Variants in SIGIRR observed in about 807,000 individuals in gnomAD.
SIGIRR encodes single Ig IL-1-related receptor.
A neutral mutation model predicts 45.6 loss-of-function variants in SIGIRR; 41 were observed. The observed-to-expected ratio is 0.90, with a 90% CI of 0.70 to 1.17. SIGIRR has a LOEUF of 1.17. Ranked by LOEUF, SIGIRR falls within the 50% of genes most tolerant of loss-of-function variation. The pLI, the probability that SIGIRR is intolerant of heterozygous loss-of-function variation, is 0.00. For missense variants in SIGIRR, 599 were observed against 539.6 expected (o/e 1.11, Z -1.09); for synonymous variants, 298 against 239.0 (o/e 1.25, Z -2.28).
chr11:408,253 A>G, intron 3 of SIGIRR, 47 bp from the exon 4 acceptor site: 11 of 1,596,040 alleles, frequency 6.9e-6, no homozygotes, highest in Non-Finnish European at 9.4e-6. Flanking sequence ...ATACCAGTGG[A>G]CACCCCCGAA....
Position 407,430 on chromosome 11 carries a change from C to A in SIGIRR, c.620G>T (p.Arg207Leu), listed in dbSNP as rs1280063022. The A allele has an allele frequency of 2.6e-6, 4 of 1,546,174 alleles. No individual in the cohort carries two copies. Among genetic ancestry groups the A allele is most frequent in the Non-Finnish European group, 3.5e-6 (4 of 1,145,168 alleles). ...CGGGGTGGGGCCCGGGATACCAGCGCGCGGCAGGAGGTCGCGGTCGTCCAG... is the reference window on the plus strand; with the variant it reads ...CGGGGTGGGGCCCGGGATACCAGCGAGCGGCAGGAGGTCGCGGTCGTCCAG... ...LFLDDRDLLP[R>L]AEPSADLLVN... Residue 207 changes from arginine to leucine, a missense_variant, in exon 6 of 10, where the codon CGC (arginine) becomes CTC (leucine). Physicochemically the swap from Arg to Leu is moderately radical, Grantham distance 102. Transcript: ENST00000431843.
At chr11:412,736 G>A (rs1365434817) in intron 1 of SIGIRR, among the ~76,000 whole-genome samples, 1 of 150,876 alleles carries the variant, frequency 6.6e-6, no homozygotes, top group Non-Finnish European at 1.5e-5. Context: ...GAGGGGGGGT[G>A]CCCAGCTCTG....
At chr11:408,317 G>A in intron 3 of SIGIRR, 111 bp from the exon 4 acceptor site, 1 of 1,426,388 alleles carries the variant, frequency 7.0e-7, no homozygotes, top group Non-Finnish European at 9.4e-7. Flanking sequence ...CTCCTGGGTG[G>A]TTCTTGGGCC....
rs1162462305 is a variant in SIGIRR at position 407,131 on chromosome 11, C to T, written c.659G>A (p.Arg220His). 1.3e-6 allele frequency: 2 copies of T among 1,540,308 alleles called. No individual in the cohort carries two copies. Among genetic ancestry groups the T allele is most frequent in the East Asian group, 2.5e-5 (1 of 39,370 alleles). The change falls in exon 7 of 10, where the codon CGC becomes CAC. Residue 220 changes from arginine to histidine, a missense_variant. Arg to His is a conservative substitution (Grantham distance 29). Transcript: ENST00000431843. Reference protein sequence around the residue: ...PSADLLVNLSRCRRLIVVLSD... With the variant: ...PSADLLVNLSHCRRLIVVLSD... ...AAGCACCACGATGAGGCGTCGGCAG[C>T]GGCTCAGGTTCACCAAGAGGTCGGC...
chr11:406,934 C>A lies in SIGIRR; in HGVS notation c.788G>T (p.Gly263Val). 6.2e-7 allele frequency: 1 copy of A among 1,600,542 alleles called. No individual in the cohort carries two copies. Among genetic ancestry groups the A allele is most frequent in the Non-Finnish European group, 8.5e-7 (1 of 1,177,540 alleles). ...TRRPIFITFE[G>V]QRRDPAHPAL... ...CGGGTGCGCGGGGTCGCGCCTCTGGCCCTCGAAGGTGATGAAGATGGGTCT... is the reference window on the plus strand; with the variant it reads ...CGGGTGCGCGGGGTCGCGCCTCTGGACCTCGAAGGTGATGAAGATGGGTCT... Residue 263 changes from glycine (G) to valine (V), a missense_variant, in exon 8 of 10, where the codon GGC becomes GTC. Physicochemically the swap from Gly to Val is moderately radical, Grantham distance 109 (BLOSUM62 -3). Transcript: ENST00000431843.
chr11:416,484 C>T (rs933020208), upstream of SIGIRR, among the ~76,000 whole-genome samples: 2 of 152,172 alleles, frequency 1.3e-5, no homozygotes, highest in African/African-American at 2.4e-5. This position sits in a 1 kb window ranked among gnomAD's most constrained non-coding sequence, Gnocchi z 9.1. Flanking sequence ...GCCCTGGTCG[C>T]CTCGCACTGC....
chr11:408,961 C>T (rs1847473888), intron 2 of SIGIRR, 68 bp from the exon 3 acceptor site: 11 of 1,433,856 alleles, frequency 7.7e-6, no homozygotes, highest in Middle Eastern at 2.0e-4. Flanking sequence ...CACAGTGGTC[C>T]GTGGTGCAGG....
At position 406,935 on chromosome 11, in the gene SIGIRR, C is replaced by A. The variant is rs763801811; in HGVS notation, c.787G>T (p.Gly263Cys). Residue 263 changes from glycine (G) to cysteine (C), a missense_variant, in exon 8 of 10, where the codon GGC becomes TGC. Gly to Cys is a radical substitution (Grantham distance 159, BLOSUM62 -3). Coordinates refer to ENST00000431843, the MANE Select transcript of SIGIRR (RefSeq NM_001135054.2). ...GGGTGCGCGGGGTCGCGCCTCTGGC[C>A]CTCGAAGGTGATGAAGATGGGTCTG... Reference protein sequence around the residue: ...TRRPIFITFEGQRRDPAHPAL... With the variant: ...TRRPIFITFECQRRDPAHPAL... 8 of 1,600,768 alleles carry A rather than the reference C, an allele frequency of 5.0e-6. No homozygotes were observed. Among genetic ancestry groups the A allele is most frequent in the Non-Finnish European group, 8.5e-7 (1 of 1,177,632 alleles).
upstream of SIGIRR, chr11:417,308 T>C (rs963493415): frequency 2.0e-5 from 3 of 152,162 alleles, no homozygotes; most frequent in Non-Finnish European, 2.9e-5. The surrounding 1 kb of genome is among the most constrained non-coding windows in gnomAD (Gnocchi z 4.2). Flanking sequence ...GCGGGTCTGA[T>C]GGCGACCGCC....
intron 6 of SIGIRR, 124 bp from the exon 7 acceptor site, chr11:407,288 T>TGGGGGCGGAGC: frequency 5.5e-6 from 4 of 730,252 alleles, no homozygotes; most frequent in Non-Finnish European, 7.9e-6. Flanking sequence ...TGGGCGGGTT[T>TGGGGGCGGAGC]TTGAGGCGGG....
At chr11:413,514 C>T (rs376010186) in intron 1 of SIGIRR, among the ~76,000 whole-genome samples, 4 of 151,972 alleles carry the variant, frequency 2.6e-5, no homozygotes. Flanking sequence ...TCCGTGACCG[C>T]CCCAAGCTCA....
rs1182391271 is a variant in SIGIRR, at chr11:407,048, C to T, written c.728+14G>A. ...TGCTACGCTGGGGCCCACCCAACCC[C>T]GCGCGGGACCCACCGGAAGCTGTGG... On this transcript the variant is annotated intron_variant, in intron 7 of 9. Transcript: ENST00000431843. 2 of 1,575,280 alleles carry T rather than the reference C, an allele frequency of 1.3e-6. No individual in the cohort carries two copies. Among genetic ancestry groups the T allele is most frequent in the South Asian group, 1.2e-5 (1 of 86,722 alleles).
chr11:414,636 C>G (rs1847829621), intron 1 of SIGIRR, among the ~76,000 whole-genome samples, 187 bp downstream of exon 1: 2 of 152,188 alleles, frequency 1.3e-5, no homozygotes, highest in South Asian at 4.1e-4. Context: ...GGACCACAGG[C>G]ACCCCACAGC....
intron 9 of SIGIRR, 97 bp downstream of exon 9, chr11:406,252 A>G (rs1847292440): frequency 6.5e-7 from 1 of 1,548,424 alleles, no homozygotes; most frequent in Non-Finnish European, 8.7e-7. Flanking sequence ...AGAGTCCTCA[A>G]CACCTGGAGC....
chr11:409,009 A>G (rs1590377440), intron 2 of SIGIRR, 116 bp from the exon 3 acceptor site: 2 of 912,512 alleles, frequency 2.2e-6, no homozygotes, highest in Non-Finnish European at 3.5e-6. Flanking sequence ...CAGTCACACC[A>G]TGTCTGTCCA....
chr11:407,042 C>A lies in SIGIRR; in HGVS notation c.728+20G>T. The A allele has an allele frequency of 1.3e-6, 2 of 1,576,054 alleles. No individual in the cohort carries two copies. The highest frequency in any genetic ancestry group is 2.3e-5 in the East Asian group (1 of 42,676). On this transcript the variant is annotated intron_variant, in intron 7 of 9. Coordinates refer to ENST00000431843, the MANE Select transcript of SIGIRR (RefSeq NM_001135054.2). ...GGTGGGTGCTACGCTGGGGCCCACC[C>A]AACCCCGCGCGGGACCCACCGGAAG...
intron 1 of SIGIRR, among the ~76,000 whole-genome samples, chr11:414,025 CCTGCACACCTTCCCCTGCACTCTCTCCT>C (rs1847800292): frequency 8.7e-6 from 1 of 114,710 alleles, no homozygotes; most frequent in African/African-American, 3.6e-5. Flanking sequence ...CACCCTCTCC[CCTGCACACCTTCCCCTGCACTCTCTCCT>C]CTGCCTACCT....
At chr11:417,392 G>T (rs1302851327), upstream of SIGIRR, 1 of 152,084 alleles carries the variant, frequency 6.6e-6, no homozygotes, top group Non-Finnish European at 1.5e-5. The surrounding 1 kb of genome is among the most constrained non-coding windows in gnomAD (Gnocchi z 4.2). Context: ...GGTGCGCAGC[G>T]GCAACAGCCC....
In SIGIRR at chr11:409,896, C is replaced by T. The variant is rs192249993; in HGVS notation, c.-22G>A. 9.4e-5 allele frequency: 123 copies of T among 1,314,536 alleles called. No individual in the cohort carries two copies. In the African/African-American group the frequency reaches 1.7e-3, roughly 18 times the overall value. 81.4% of individuals were successfully genotyped at this position (1,314,536 alleles called of 1,614,324 possible). A position where few individuals can be genotyped will look rare whatever the true frequency, so the allele number is the denominator to read the frequency against. ...GCATGGCTCTGAGCCGGGGCCTCCT[C>T]GGGGCAGGCTGGGCTCCAGGGTCAC... is the stretch of plus-strand genomic sequence containing the variant. On this transcript the variant is annotated 5_prime_UTR_variant, in exon 2 of 10. Coordinates refer to ENST00000431843, the MANE Select transcript of SIGIRR (RefSeq NM_001135054.2).
Sources: gnomAD v4.1 joint callset for allele counts (sites outside exome capture counted in the v4.1 genomes callset) on GRCh38, gnomAD v4.1.1 for gene constraint, Gnocchi (gnomAD v3.1) non-coding constraint, MANE v1.5 for transcripts, NCBI Gene and HGNC (gene_info 2026-07-23, HGNC 2026-07-21) for gene names.